Variants in NELL1 observed in about 807,000 individuals in gnomAD.
NELL1 encodes the protein neural EGFL like 1, also known as protein kinase C-binding protein NELL1.
NELL1 carries 76 observed loss-of-function variants against 107.4 expected under a neutral mutation model. That is an observed-to-expected ratio of 0.71 (90% confidence interval 0.59 to 0.86). The LOEUF (loss-of-function observed/expected upper bound fraction) is 0.86. Among genes scored for constraint, NELL1 ranks in the 40% least tolerant of loss-of-function variants. The probability of loss-of-function intolerance (pLI) is 0.00; values close to 1 mark genes in which losing one functional copy is unlikely to be tolerated. For synonymous variants in NELL1, 353 were observed against 341.2 expected, an observed-to-expected ratio of 1.03 and a Z score of -0.38; for missense variants, 1,024 against 1,005.5, an observed-to-expected ratio of 1.02 and a Z score of -0.25.
At chr11:20,898,759 TATTC>T (rs1428878845) in intron 5 of NELL1, among the ~76,000 whole-genome samples, 4 of 152,122 alleles carry the variant, frequency 2.6e-5, no homozygotes, top group Non-Finnish European at 5.9e-5. Flanking sequence ...ACATTTTCTT[TATTC>T]ATTCATTCAT....
At chr11:20,903,654 T>A (rs887821533) in intron 5 of NELL1, among the ~76,000 whole-genome samples, 9 of 152,084 alleles carry the variant, frequency 5.9e-5, no homozygotes, top group African/African-American at 2.2e-4. Flanking sequence ...TAGTGACTTT[T>A]TAGATTAGTT....
chr11:20,714,259 A>G (rs1446689433), intron 2 of NELL1, among the ~76,000 whole-genome samples: 2 of 121,206 alleles, frequency 1.7e-5, no homozygotes, highest in Non-Finnish European at 3.2e-5. Flanking sequence ...GCTGGAGTTC[A>G]GTGGTGCCTT....
intron 2 of NELL1, among the ~76,000 whole-genome samples, chr11:20,698,696 G>T (rs986921090): frequency 6.6e-6 from 1 of 152,076 alleles, no homozygotes; most frequent in Non-Finnish European, 1.5e-5. Context: ...TGGTTACATG[G>T]ATAAGTTATT....
chr11:21,014,608 G>A (rs1010423095), intron 12 of NELL1, among the ~76,000 whole-genome samples: 2 of 152,028 alleles, frequency 1.3e-5, no homozygotes, highest in Admixed American at 1.3e-4. Flanking sequence ...GTAATTATTT[G>A]CCTGCAAATT....
chr11:21,122,456 C>T (rs1293480764), intron 13 of NELL1, among the ~76,000 whole-genome samples: 1 of 152,150 alleles, frequency 6.6e-6, no homozygotes, highest in African/African-American at 2.4e-5. Flanking sequence ...AGACATGGTA[C>T]ATGCATATCT....
intron 13 of NELL1, among the ~76,000 whole-genome samples, chr11:21,186,780 G>A (rs541473639): frequency 1.4e-4 from 22 of 152,006 alleles, no homozygotes; most frequent in Non-Finnish European, 7.4e-5. Context: ...TTTCTAAATA[G>A]AGGGAAATGA....
intron 13 of NELL1, among the ~76,000 whole-genome samples, chr11:21,191,199 T>C (rs991778390): frequency 3.3e-5 from 5 of 151,772 alleles, no homozygotes; most frequent in African/African-American, 1.2e-4. Flanking sequence ...CAGCTGACCC[T>C]GAGATAGTTA....
chr11:20,857,136 G>T (rs1564936203), intron 4 of NELL1, among the ~76,000 whole-genome samples: 2 of 152,196 alleles, frequency 1.3e-5, no homozygotes, highest in Non-Finnish European at 2.9e-5. Flanking sequence ...AGAGAGGGAA[G>T]CTGTTGGCCG....
intron 16 of NELL1, among the ~76,000 whole-genome samples, chr11:21,553,936 G>A (rs1269944569): frequency 6.6e-6 from 1 of 151,896 alleles, no homozygotes; most frequent in Admixed American, 6.6e-5. Context: ...AATACAGTGT[G>A]TATAGCTGGG....
chr11:21,351,522 TAA>T (rs200874666), intron 14 of NELL1, among the ~76,000 whole-genome samples: 32 of 137,514 alleles, frequency 2.3e-4, no homozygotes, highest in East Asian at 8.5e-4. Flanking sequence ...TTATTTCCAG[TAA>T]AAAAAAAAAA....
At chr11:20,683,070 TC>T (rs2053499822) in intron 2 of NELL1, among the ~76,000 whole-genome samples, 1 of 152,054 alleles carries the variant, frequency 6.6e-6, no homozygotes, top group South Asian at 2.1e-4. Context: ...GTGATTTGTT[TC>T]CTACCTGTTC....
chr11:21,479,190 T>C (rs193034265), intron 15 of NELL1, among the ~76,000 whole-genome samples: 80 of 152,224 alleles, frequency 5.3e-4, no homozygotes, highest in Admixed American at 1.1e-3. Context: ...CTTCTGGGTA[T>C]ATACTCAAAA....
At chr11:21,531,422 C>T (rs1282276464) in intron 15 of NELL1, among the ~76,000 whole-genome samples, 1 of 152,106 alleles carries the variant, frequency 6.6e-6, no homozygotes, top group Non-Finnish European at 1.5e-5. Flanking sequence ...AACTGTATTT[C>T]ACCATTTGTA....
At chr11:20,815,091 G>A (rs1417876314) in intron 3 of NELL1, among the ~76,000 whole-genome samples, 4 of 152,058 alleles carry the variant, frequency 2.6e-5, no homozygotes, top group African/African-American at 9.7e-5. Context: ...TTGAGACAAA[G>A]TCTCTCTCTG....
At chr11:21,168,421 A>C (rs962499826) in intron 13 of NELL1, among the ~76,000 whole-genome samples, 1 of 151,728 alleles carries the variant, frequency 6.6e-6, no homozygotes, top group Non-Finnish European at 1.5e-5. Flanking sequence ...ATATTCTTTC[A>C]AGTTGTTGAA....
intron 12 of NELL1, among the ~76,000 whole-genome samples, chr11:21,033,578 T>G (rs1853014184): frequency 6.6e-6 from 1 of 152,202 alleles, no homozygotes; most frequent in Non-Finnish European, 1.5e-5. Context: ...CATTCTTTTT[T>G]TATGGCTGCA....
chr11:20,832,821 C>A (rs1344693568), intron 3 of NELL1, among the ~76,000 whole-genome samples: 1 of 152,198 alleles, frequency 6.6e-6, no homozygotes, highest in African/African-American at 2.4e-5. Flanking sequence ...GAGCTCAAGT[C>A]TTCCTAACAG....
intron 4 of NELL1, among the ~76,000 whole-genome samples, chr11:20,880,152 T>C (rs1030680845): frequency 6.6e-6 from 1 of 152,248 alleles, no homozygotes; most frequent in African/African-American, 2.4e-5. Flanking sequence ...CATTGTAACA[T>C]TGAAATATCA....
chr11:21,148,052 C>T (rs909282325), intron 13 of NELL1, among the ~76,000 whole-genome samples: 3 of 152,016 alleles, frequency 2.0e-5, no homozygotes, highest in African/African-American at 4.8e-5. Context: ...GCTATGTTAG[C>T]ATTCCTAGTA....
Sources: gnomAD v4.1 joint callset for allele counts (sites outside exome capture counted in the v4.1 genomes callset) on GRCh38, gnomAD v4.1.1 for gene constraint, MANE v1.5 for transcripts, NCBI Gene and HGNC (gene_info 2026-07-23, HGNC 2026-07-21) for gene names.